SPIRE1: variants seen among roughly 807,000 people sequenced by gnomAD.
SPIRE1 encodes spire type actin nucleation factor 1, also known as protein spire homolog 1.
SPIRE1 carries 40 observed loss-of-function variants against 94.1 expected under a neutral mutation model. The ratio of observed to expected loss-of-function variants is 0.43; its 90% CI spans 0.33 to 0.55. SPIRE1 has a LOEUF of 0.55. SPIRE1 is among the 20% of genes least tolerant of loss of function. The pLI is 0.06. For synonymous variants in SPIRE1, 376 were observed against 371.7 expected, an observed-to-expected ratio of 1.01 and a Z score of -0.13; for missense variants, 838 against 975.2, an observed-to-expected ratio of 0.86 and a Z score of 1.87.
chr18:12,489,921 C>T (rs964654568), intron 8 of SPIRE1, among the ~76,000 whole-genome samples: 5 of 152,266 alleles, frequency 3.3e-5, no homozygotes, highest in African/African-American at 1.2e-4. Flanking sequence ...GCATTGAGCT[C>T]CTACTTGCAA....
chr18:12,529,441 A>G (rs905033766), intron 4 of SPIRE1, among the ~76,000 whole-genome samples: 2 of 152,096 alleles, frequency 1.3e-5, no homozygotes, highest in Non-Finnish European at 2.9e-5. Context: ...ATGTCCTTTC[A>G]GCTGAGGTAT....
chr18:12,571,286 GC>G (rs2035954198), intron 2 of SPIRE1, among the ~76,000 whole-genome samples: 1 of 152,014 alleles, frequency 6.6e-6, no homozygotes, highest in Admixed American at 6.6e-5. Context: ...TGTTGGCTAG[GC>G]TGGTCTCAAA....
chr18:12,645,298 C>T (rs186765241), intron 1 of SPIRE1, among the ~76,000 whole-genome samples: 1 of 152,262 alleles, frequency 6.6e-6, no homozygotes, highest in African/African-American at 2.4e-5. Flanking sequence ...AGCAAAGGAG[C>T]TTGGTGGGAA....
chr18:12,610,338 T>G (rs1212756030), intron 2 of SPIRE1, among the ~76,000 whole-genome samples: 1 of 152,102 alleles, frequency 6.6e-6, no homozygotes, highest in Admixed American at 6.6e-5. Context: ...CCACCTATCT[T>G]TCTAGTTCAT....
intron 2 of SPIRE1, among the ~76,000 whole-genome samples, chr18:12,608,700 T>C (rs1190405186): frequency 1.3e-5 from 2 of 152,198 alleles, no homozygotes; most frequent in East Asian, 1.9e-4. Flanking sequence ...AGTTCCTTTG[T>C]AATAAAGCTT....
At chr18:12,615,054 G>T (rs952632038) in intron 2 of SPIRE1, among the ~76,000 whole-genome samples, 4 of 151,394 alleles carry the variant, frequency 2.6e-5, no homozygotes, top group Non-Finnish European at 4.4e-5. Flanking sequence ...GCTCGGAGCG[G>T]TAGGTCATGC....
At chr18:12,451,035 A>AGGG in intron 16 of SPIRE1, 1 of 492,574 alleles carries the variant, frequency 2.0e-6, no homozygotes, top group South Asian at 2.1e-5. Flanking sequence ...GGGGAGGAGG[A>AGGG]GGAGGAGGAG....
At position 12,559,769 on chromosome 18, in the gene SPIRE1, T is replaced by C. The variant is rs1319298265; in HGVS notation, c.373-12865A>G. Among the ~76,000 whole-genome samples the C allele has an allele frequency of 3.9e-5, 6 of 152,160 alleles. No individual in the cohort carries two copies. The highest frequency in any genetic ancestry group is 1.5e-5 in the Non-Finnish European group (1 of 68,024). ...ACAAATGGGATCACATGAAGTTAAA[T>C]AGCTTTTGCCAGTGAAGAAAACAAC... is the stretch of plus-strand genomic sequence containing the variant. On this transcript the variant is annotated intron_variant, in intron 2 of 16. Transcript: ENST00000409402. This position sits in a 1 kb window ranked among gnomAD's most constrained non-coding sequence, Gnocchi z 4.7.
intron 1 of SPIRE1, among the ~76,000 whole-genome samples, chr18:12,636,621 G>A (rs1253687395): frequency 6.6e-6 from 1 of 151,768 alleles, no homozygotes; most frequent in Non-Finnish European, 1.5e-5. Context: ...AGAAAATAAG[G>A]GGCCTTAGGT....
At chr18:12,586,680 T>C (rs925372191) in intron 2 of SPIRE1, among the ~76,000 whole-genome samples, 3 of 152,198 alleles carry the variant, frequency 2.0e-5, no homozygotes, top group African/African-American at 7.2e-5. Context: ...ATAGTGAATT[T>C]ATATTATATA....
intron 10 of SPIRE1, among the ~76,000 whole-genome samples, chr18:12,466,900 C>T (rs916989507): frequency 1.3e-5 from 2 of 152,064 alleles, no homozygotes; most frequent in African/African-American, 4.8e-5. Context: ...CTGCTGAAAT[C>T]ATTAGTTTCA....
Position 12,448,990 on chromosome 18 carries a change from C to G in SPIRE1, c.*648G>C, listed in dbSNP as rs1244899390. On this transcript the variant is annotated 3_prime_UTR_variant, in exon 17 of 17. Transcript: ENST00000409402. The surrounding 1 kb of genome is among the most constrained non-coding windows in gnomAD (Gnocchi z 4.4). Reference sequence around the variant, plus strand: ...GAGACACTGAACCAGGGCACTGGGACAACACGGCCACTCAGGGGAAATAGT... The same window carrying G: ...GAGACACTGAACCAGGGCACTGGGAGAACACGGCCACTCAGGGGAAATAGT... The G allele has an allele frequency of 2.0e-5, 3 of 152,750 alleles. No individual in the cohort carries two copies. Among genetic ancestry groups the G allele is most frequent in the Non-Finnish European group, 4.4e-5 (3 of 68,226 alleles). The allele number at this position is 152,750 out of a possible 1,614,324, so 9.5% of individuals were successfully genotyped here.
intron 4 of SPIRE1, among the ~76,000 whole-genome samples, chr18:12,533,505 G>A (rs2034749530): frequency 1.3e-5 from 2 of 152,088 alleles, no homozygotes; most frequent in East Asian, 1.9e-4. Context: ...CAATCATCAC[G>A]CTTAGGAACT....
intron 10 of SPIRE1, among the ~76,000 whole-genome samples, chr18:12,470,006 A>G (rs1167866954): frequency 6.6e-6 from 1 of 151,716 alleles, no homozygotes; most frequent in Non-Finnish European, 1.5e-5. Context: ...CAGTGGTGCA[A>G]TCATGGCTCA....
At chr18:12,552,196 A>G (rs1256469955) in intron 2 of SPIRE1, among the ~76,000 whole-genome samples, 1 of 152,166 alleles carries the variant, frequency 6.6e-6, no homozygotes, top group African/African-American at 2.4e-5. Context: ...CTCTAAATGA[A>G]CTTGAAAGGC....
At chr18:12,597,869 A>G (rs1318336502) in intron 2 of SPIRE1, among the ~76,000 whole-genome samples, 3 of 152,188 alleles carry the variant, frequency 2.0e-5, no homozygotes, top group African/African-American at 4.8e-5. Context: ...CTGGGTGTGT[A>G]GGCCCTGGAC....
chr18:12,620,832 C>CA lies in SPIRE1; in HGVS notation c.372+14229dup, dbSNP rs574277758. Among the ~76,000 whole-genome samples the CA allele has an allele frequency of 1.8e-3, 274 of 152,204 alleles. 1 individual carries two copies. Among genetic ancestry groups the CA allele is most frequent in the African/African-American group, 6.4e-3 (265 of 41,522 alleles). The stretch of plus-strand genomic sequence containing the variant: ...CTTGATTGAAATAAACTTCATGCTT[C>CA]AAAGGACACCATCAAGAAACTGGCA... On this transcript the variant is annotated intron_variant, in intron 2 of 16. Coordinates refer to ENST00000409402, the MANE Select transcript of SPIRE1 (RefSeq NM_001128626.2).
chr18:12,531,993 C>T (rs1318110700), intron 4 of SPIRE1, among the ~76,000 whole-genome samples: 1 of 152,184 alleles, frequency 6.6e-6, no homozygotes, highest in Non-Finnish European at 1.5e-5. Context: ...ATTGCTTAGA[C>T]AGTGCCTCCA....
intron 2 of SPIRE1, 82 bp from the exon 3 acceptor site, chr18:12,546,986 T>G: frequency 1.1e-6 from 1 of 946,694 alleles, no homozygotes; most frequent in East Asian, 2.6e-5. Flanking sequence ...ATGTTTAGTA[T>G]GATTTTTTCC....
Sources: gnomAD v4.1 joint callset for allele counts (sites outside exome capture counted in the v4.1 genomes callset) on GRCh38, gnomAD v4.1.1 for gene constraint, Gnocchi (gnomAD v3.1) non-coding constraint, MANE v1.5 for transcripts, NCBI Gene and HGNC (gene_info 2026-07-23, HGNC 2026-07-21) for gene names.